The following AREG variants were observed in gnomAD, a reference collection of about 807,000 sequenced individuals.
The protein encoded by AREG is amphiregulin.
Under a neutral mutation model 28.0 loss-of-function variants are expected in AREG, and 16 were observed. The ratio of observed to expected loss-of-function variants is 0.57; its 90% confidence interval spans 0.39 to 0.87. AREG has a LOEUF of 0.87. Ranked by LOEUF, AREG falls within the 40% of genes least tolerant of loss-of-function variation. AREG has a pLI of 0.00. For synonymous variants in AREG, 113 were observed against 113.5 expected (o/e 1.00, Z 0.02); for missense variants, 287 against 309.1 (o/e 0.93, Z 0.53).
At chr4:74,451,272 A>C (rs1193110818) in intron 4 of AREG, among the ~76,000 whole-genome samples, 1 of 152,210 alleles carries the variant, frequency 6.6e-6, no homozygotes, top group Non-Finnish European at 1.5e-5. Flanking sequence ...TGATGGGTGC[A>C]TCAAAATGGC....
intron 2 of AREG, chr4:74,448,828 C>A: frequency 1.7e-6 from 1 of 578,308 alleles, no homozygotes; most frequent in Non-Finnish European, 2.8e-6. Context: ...CACTAATTCC[C>A]AACTATAATC....
chr4:74,448,779 A>C (rs1178705120), intron 2 of AREG: 19 of 403,280 alleles, frequency 4.7e-5, no homozygotes, highest in Non-Finnish European at 8.5e-5. Context: ...AGTAACTCTA[A>C]TTTATAATTC....
intron 2 of AREG, 84 bp from the exon 3 acceptor site, chr4:74,448,963 C>G: frequency 6.4e-7 from 1 of 1,566,958 alleles, no homozygotes; most frequent in South Asian, 1.2e-5. Flanking sequence ...TGTGAGCGCT[C>G]ACTGCTATGA....
Position 74,445,239 on chromosome 4 carries a change from C to T in AREG, c.-107C>T. On this transcript the variant is annotated 5_prime_UTR_variant, in exon 1 of 6. Coordinates refer to ENST00000395748, the MANE Select transcript of AREG (RefSeq NM_001657.4). ...CCCAAGCCTTCGAGAGCGGCGCACA[C>T]TCCCGGTCTCCACTCGCTCTTCCAA... 6.5e-7 allele frequency: 1 copy of T among 1,546,078 alleles called. No homozygotes were observed. Among genetic ancestry groups the T allele is most frequent in the Non-Finnish European group, 8.7e-7 (1 of 1,145,098 alleles).
At chr4:74,449,317 A>G (rs1719343554) in intron 3 of AREG, 69 bp downstream of exon 3, 1 of 1,604,712 alleles carries the variant, frequency 6.2e-7, no homozygotes, top group African/African-American at 1.3e-5. Context: ...AACTGCAGGA[A>G]ACCATTTATT....
intron 4 of AREG, among the ~76,000 whole-genome samples, chr4:74,451,775 A>AT (rs11434401): frequency 0.47 from 71,851 of 151,870 alleles, 17,171 homozygotes; most frequent in African/African-American, 0.53. Context: ...ATATTTAATC[A>AT]TTTTTTGGGA....
At chr4:74,448,639 C>T in intron 2 of AREG, 1 of 176,722 alleles carries the variant, frequency 5.7e-6, no homozygotes, top group South Asian at 1.1e-4. Context: ...AGATAAATCT[C>T]TGAAGCACTG....
intron 2 of AREG, among the ~76,000 whole-genome samples, chr4:74,447,436 C>T (rs1158424986): frequency 6.6e-6 from 1 of 152,106 alleles, no homozygotes; most frequent in African/African-American, 2.4e-5. Flanking sequence ...TTTTGTATTG[C>T]TAAAATCACT....
chr4:74,449,085 A>C lies in AREG; in HGVS notation c.349A>C (p.Ser117Arg). ...TAAGCCCCCCCAAAACAAGACGGAA[A>C]GTGAAAATACTTCAGATAAACCCAA... is the stretch of plus-strand genomic sequence containing the variant. ...VVKPPQNKTE[S>R]ENTSDKPKRK... The change falls in exon 3 of 6, where the codon AGT (serine) becomes CGT (arginine). Residue 117 changes from serine to arginine, a missense_variant. Physicochemically the swap from Ser to Arg is moderately radical, Grantham distance 110 (BLOSUM62 -1). Coordinates refer to ENST00000395748, the MANE Select transcript of AREG (RefSeq NM_001657.4). The C allele has an allele frequency of 6.2e-7, 1 of 1,611,724 alleles. No homozygotes were observed. The highest frequency in any genetic ancestry group is 1.3e-5 in the African/African-American group (1 of 74,286).
intron 3 of AREG, among the ~76,000 whole-genome samples, chr4:74,449,948 ATATG>A (rs1719355261): frequency 6.6e-6 from 1 of 151,010 alleles, no homozygotes; most frequent in Non-Finnish European, 1.5e-5. Context: ...TTCTATATAT[ATATG>A]TATGTGTGTG....
At chr4:74,445,852 G>A (rs1719273461) in intron 1 of AREG, among the ~76,000 whole-genome samples, 1 of 152,116 alleles carries the variant, frequency 6.6e-6, no homozygotes, top group Admixed American at 6.5e-5. Context: ...GCACCACTCT[G>A]ATGCTGTTTT....
intron 3 of AREG, among the ~76,000 whole-genome samples, chr4:74,449,584 C>G (rs1463152180): frequency 1.3e-5 from 2 of 152,052 alleles, no homozygotes; most frequent in African/African-American, 4.8e-5. Context: ...CCCATCTCTA[C>G]AAAAAATACA....
At chr4:74,448,875 A>T (rs1719334612) in intron 2 of AREG, 172 bp from the exon 3 acceptor site, 1 of 964,842 alleles carries the variant, frequency 1.0e-6, no homozygotes, top group Non-Finnish European at 1.5e-6. Flanking sequence ...AAAAACTGAA[A>T]ATTATAAATT....
At position 74,454,854 on chromosome 4, in the gene AREG, A is replaced by T. The variant is rs890140658; in HGVS notation, c.*114A>T. The stretch of plus-strand genomic sequence containing the variant: ...AAGACAATGGACCCTTTTTGTTATG[A>T]TGGTTTTAAACTTTCAATTGTCACT... On this transcript the variant is annotated 3_prime_UTR_variant, in exon 6 of 6. Coordinates refer to ENST00000395748, the MANE Select transcript of AREG (RefSeq NM_001657.4). 8.6e-6 allele frequency: 6 copies of T among 699,572 alleles called. No homozygotes were observed. The African/African-American group carries it at 1.0e-4, about 12-fold the overall frequency. The allele number at this position is 699,572 out of a possible 1,614,324, so 43.3% of individuals were successfully genotyped here.
In AREG at chr4:74,452,527, T is replaced by C; in HGVS notation, c.666-17T>C. ...GAATAGAACCTTGATAACATTAGAA[T>C]GCCTTGTTCTCTGAAGGCTTAGAAG... On this transcript the variant is annotated splice_polypyrimidine_tract_variant and intron_variant, in intron 4 of 5. Coordinates refer to ENST00000395748, the MANE Select transcript of AREG (RefSeq NM_001657.4). 6.2e-7 allele frequency: 1 copy of C among 1,613,342 alleles called. No individual in the cohort carries two copies. Among genetic ancestry groups the C allele is most frequent in the South Asian group, 1.1e-5 (1 of 91,034 alleles).
chr4:74,451,331 A>G (rs2110412600), intron 4 of AREG, among the ~76,000 whole-genome samples: 1 of 152,314 alleles, frequency 6.6e-6, no homozygotes, highest in Middle Eastern at 3.4e-3. Context: ...GGGGGAGGAC[A>G]TGAATGGCTC....
In AREG at chr4:74,452,459, G is replaced by A. The variant is rs1200060478; in HGVS notation, c.666-85G>A. ...GCTGGTCTATCACTACTCATGAAGT[G>A]GAACCCCCTCTACTCATAAAAACCC... is the stretch of plus-strand genomic sequence containing the variant. On this transcript the variant is annotated intron_variant, in intron 4 of 5. Transcript: ENST00000395748. The A allele has an allele frequency of 7.3e-6, 11 of 1,513,460 alleles. No homozygotes were observed. In the East Asian group the frequency reaches 2.5e-4, roughly 35 times the overall value. The allele number at this position is 1,513,460 out of a possible 1,614,324, so 93.8% of individuals were successfully genotyped here.
chr4:74,445,472 G>C, intron 1 of AREG, 66 bp downstream of exon 1: 1 of 1,561,596 alleles, frequency 6.4e-7, no homozygotes, highest in Non-Finnish European at 8.7e-7. Flanking sequence ...TCTTGAGTTT[G>C]GCTCTTGCTT....
intron 5 of AREG, among the ~76,000 whole-genome samples, chr4:74,453,909 A>C (rs1719419623): frequency 1.3e-5 from 2 of 151,002 alleles, no homozygotes; most frequent in African/African-American, 4.9e-5. Context: ...AACAAGAGCG[A>C]AACTCCATCT....
Sources: gnomAD v4.1 joint callset for allele counts (sites outside exome capture counted in the v4.1 genomes callset) on GRCh38, gnomAD v4.1.1 for gene constraint, MANE v1.5 for transcripts, NCBI Gene and HGNC (gene_info 2026-07-23, HGNC 2026-07-21) for gene names.